Variants in EXOC6B observed in about 807,000 individuals in gnomAD.
EXOC6B encodes the protein SEC15 homolog B.
EXOC6B carries 54 observed loss-of-function variants against 113.5 expected under a neutral mutation model. The ratio of observed to expected loss-of-function variants is 0.48; its 90% CI spans 0.38 to 0.60. The LOEUF is 0.60. EXOC6B is among the 20% of genes least tolerant of loss of function. The pLI, the probability that EXOC6B is intolerant of heterozygous loss-of-function variation, is 0.00. For missense variants in EXOC6B, 797 were observed against 977.5 expected, an observed-to-expected ratio of 0.82 and a Z score of 2.46; for synonymous variants, 357 against 339.0, an observed-to-expected ratio of 1.05 and a Z score of -0.58.
chr2:72,303,784 T>C (rs968064479), intron 20 of EXOC6B, among the ~76,000 whole-genome samples: 6 of 152,234 alleles, frequency 3.9e-5, no homozygotes, highest in Non-Finnish European at 7.3e-5. Context: ...GCTGGAGTTC[T>C]TGAATTGGTT....
At chr2:72,237,183 A>C (rs959125493) in intron 20 of EXOC6B, among the ~76,000 whole-genome samples, 2 of 152,190 alleles carry the variant, frequency 1.3e-5, no homozygotes, top group African/African-American at 4.8e-5. Flanking sequence ...AACAGGCGTT[A>C]TATGAGGCTG....
At chr2:72,213,733 C>G (rs1222441101) in intron 20 of EXOC6B, among the ~76,000 whole-genome samples, 1 of 152,012 alleles carries the variant, frequency 6.6e-6, no homozygotes, top group African/African-American at 2.4e-5. Flanking sequence ...AGGGCAGAAC[C>G]CTCATCAATG....
chr2:72,725,909 C>G (rs150025341), intron 5 of EXOC6B, among the ~76,000 whole-genome samples: 115 of 152,228 alleles, frequency 7.6e-4, no homozygotes, highest in African/African-American at 2.7e-3. Context: ...AGCATATGCT[C>G]ACACAAAAGC....
chr2:72,306,954 A>C (rs1163109162), intron 20 of EXOC6B, among the ~76,000 whole-genome samples: 1 of 152,156 alleles, frequency 6.6e-6, no homozygotes, highest in Non-Finnish European at 1.5e-5. Flanking sequence ...TGCTCATTTC[A>C]TCATACCTTT....
At chr2:72,378,261 T>C (rs1203626954) in intron 19 of EXOC6B, among the ~76,000 whole-genome samples, 1 of 152,202 alleles carries the variant, frequency 6.6e-6, no homozygotes, top group Non-Finnish European at 1.5e-5. Flanking sequence ...AACTACTTCT[T>C]TGAACAACTC....
chr2:72,427,194 G>A (rs928912182), intron 18 of EXOC6B, among the ~76,000 whole-genome samples: 3 of 152,230 alleles, frequency 2.0e-5, no homozygotes, highest in South Asian at 2.1e-4. Flanking sequence ...CGAGCCACCC[G>A]CTGGCAGGGG....
intron 1 of EXOC6B, among the ~76,000 whole-genome samples, chr2:72,769,614 C>G (rs1454978925): frequency 6.6e-6 from 1 of 152,162 alleles, no homozygotes; most frequent in East Asian, 1.9e-4. Flanking sequence ...GAATTCGAGA[C>G]CAGCCTGGCC....
chr2:72,643,698 G>A (rs1250884078), intron 6 of EXOC6B, among the ~76,000 whole-genome samples: 4 of 148,210 alleles, frequency 2.7e-5, no homozygotes, highest in African/African-American at 1.0e-4. Flanking sequence ...CACCAGCATG[G>A]CACATGTATA....
intron 6 of EXOC6B, among the ~76,000 whole-genome samples, chr2:72,632,169 C>T (rs944413615): frequency 6.6e-6 from 1 of 152,050 alleles, no homozygotes; most frequent in Admixed American, 6.6e-5. Context: ...GAAATGAATA[C>T]ACAATTCACA....
At position 72,557,106 on chromosome 2, in the gene EXOC6B, G is replaced by A. The variant is rs148051161; in HGVS notation, c.915+2347C>T. Among the ~76,000 whole-genome samples the A allele has an allele frequency of 3.7e-3, 563 of 150,524 alleles. 3 individuals carry two copies. The highest frequency in any genetic ancestry group is 0.012 in the African/African-American group (497 of 40,912). ...GAGAAATGCAAACTAGATCCATAGC[G>A]CAACATCATCTGAGTAAATTAAAAG... is the stretch of plus-strand genomic sequence containing the variant. On this transcript the variant is annotated intron_variant, in intron 8 of 21. Transcript: ENST00000272427.
intron 18 of EXOC6B, among the ~76,000 whole-genome samples, chr2:72,401,547 GTATATATATATA>G (rs1199841154): frequency 4.8e-5 from 1 of 20,642 alleles, no homozygotes. Context: ...ATATATATGT[GTATATATATATA>G]TATATACATA....
chr2:72,408,641 G>T (rs953407874), intron 18 of EXOC6B, among the ~76,000 whole-genome samples: 4 of 152,190 alleles, frequency 2.6e-5, no homozygotes, highest in Admixed American at 2.0e-4. Flanking sequence ...AATAAATGGT[G>T]CTGGGAAAAC....
chr2:72,271,300 G>C (rs1158673285), intron 20 of EXOC6B, among the ~76,000 whole-genome samples: 1 of 152,142 alleles, frequency 6.6e-6, no homozygotes, highest in Non-Finnish European at 1.5e-5. Context: ...CTGACTACTT[G>C]AGAGTAATAG....
chr2:72,562,522 C>A (rs913924211), intron 7 of EXOC6B, among the ~76,000 whole-genome samples: 20 of 152,142 alleles, frequency 1.3e-4, no homozygotes, highest in African/African-American at 4.8e-4. Context: ...AGGACACTTT[C>A]CTAAGCTAAC....
intron 18 of EXOC6B, among the ~76,000 whole-genome samples, chr2:72,438,906 T>A (rs908649975): frequency 6.6e-6 from 1 of 152,198 alleles, no homozygotes; most frequent in African/African-American, 2.4e-5. Flanking sequence ...AAGCCTAATT[T>A]TACTTAACTT....
intron 20 of EXOC6B, among the ~76,000 whole-genome samples, chr2:72,329,115 T>A (rs965166498): frequency 6.6e-6 from 1 of 152,128 alleles, no homozygotes; most frequent in East Asian, 1.9e-4. Flanking sequence ...CTGTATTTTC[T>A]CTACCAAGAA....
rs1680617440 is a variant in EXOC6B at position 72,731,156 on chromosome 2, T to C, written c.417A>G (p.Pro139=). Residue 139 remains proline (P), a splice_region_variant and synonymous_variant, in exon 4 of 22, where the codon CCA becomes CCG. Coordinates refer to ENST00000272427, the MANE Select transcript of EXOC6B (RefSeq NM_015189.3). Reference sequence around the variant, plus strand: ...CCTTCTCCATTTCCAGTTCCTCACCTGGAAGACACAGCATTAATTTATCAA... The same window carrying C: ...CCTTCTCCATTTCCAGTTCCTCACCCGGAAGACACAGCATTAATTTATCAA... ...ATVDKLMLCL[P]VLEMYSKLRD... 2 of 1,611,928 alleles carry C rather than the reference T, an allele frequency of 1.2e-6. No homozygotes were observed. The highest frequency in any genetic ancestry group is 8.5e-7 in the Non-Finnish European group (1 of 1,178,936).
chr2:72,315,057 A>G (rs1256324693), intron 20 of EXOC6B, among the ~76,000 whole-genome samples: 2 of 152,180 alleles, frequency 1.3e-5, no homozygotes, highest in Non-Finnish European at 2.9e-5. Context: ...TGCTTCGGTT[A>G]TGGTTTGGAA....
chr2:72,435,622 G>A (rs980678175), intron 18 of EXOC6B, among the ~76,000 whole-genome samples: 6 of 152,056 alleles, frequency 3.9e-5, no homozygotes, highest in African/African-American at 1.4e-4. Context: ...AGGATAGTTG[G>A]CTCTTCTTGT....
Sources: allele counts gnomAD v4.1 joint callset (sites outside exome capture counted in the v4.1 genomes callset), GRCh38; gene constraint gnomAD v4.1.1; transcripts MANE v1.5; gene names NCBI Gene and HGNC (gene_info 2026-07-23, HGNC 2026-07-21).